Variants in LINC02747 observed in about 807,000 individuals in gnomAD.
LINC02747 encodes the protein CCND1-upstream intergenic DNA repair 2.
chr11:69,477,942 A>G (rs1857011661), intron 1 of LINC02747, among the ~76,000 whole-genome samples: 1 of 152,140 alleles, frequency 6.6e-6, no homozygotes. Flanking sequence ...GGCCCTTCTG[A>G]GCCCGTGGCC....
intron 1 of LINC02747, among the ~76,000 whole-genome samples, chr11:69,478,796 T>C (rs914835798): frequency 6.6e-5 from 10 of 150,852 alleles, no homozygotes; most frequent in Non-Finnish European, 1.2e-4. Context: ...AACCCAGGAG[T>C]TGGAGGCTGC....
At chr11:69,476,604 G>C (rs575507957) in exon 2 of LINC02747, 2 of 152,264 alleles carry the variant, frequency 1.3e-5, no homozygotes, top group Admixed American at 1.3e-4. Context: ...GTGGGCCGCT[G>C]GGAGGAAGCC....
At chr11:69,480,720 CTG>C (rs1266837876) in intron 1 of LINC02747, among the ~76,000 whole-genome samples, 1 of 152,236 alleles carries the variant, frequency 6.6e-6, no homozygotes, top group Non-Finnish European at 1.5e-5. Flanking sequence ...AGTGAGGACT[CTG>C]GCACTGAGCC....
intron 1 of LINC02747, among the ~76,000 whole-genome samples, chr11:69,480,272 G>A (rs1857036899): frequency 2.6e-5 from 4 of 152,158 alleles, no homozygotes; most frequent in Non-Finnish European, 4.4e-5. Context: ...CACTGGCTAG[G>A]GCCCTTCTGC....
At chr11:69,479,211 C>T (rs890834901) in intron 1 of LINC02747, among the ~76,000 whole-genome samples, 10 of 140,070 alleles carry the variant, frequency 7.1e-5, no homozygotes, top group Non-Finnish European at 9.1e-5. Context: ...GCCAAGATCG[C>T]GCCACTGCCC....
chr11:69,477,323 C>T, exon 2 of LINC02747: 1 of 152,270 alleles, frequency 6.6e-6, no homozygotes, highest in Non-Finnish European at 1.5e-5. Context: ...GTGACGACAG[C>T]CATGGGCTGA....
At chr11:69,480,754 C>T (rs545124442) in intron 1 of LINC02747, among the ~76,000 whole-genome samples, 55 of 152,358 alleles carry the variant, frequency 3.6e-4, no homozygotes, top group Non-Finnish European at 6.3e-4. Context: ...GGATCAGTAG[C>T]TTGGATGGAA....
intron 1 of LINC02747, among the ~76,000 whole-genome samples, chr11:69,480,978 G>A (rs557017750): frequency 6.6e-6 from 1 of 152,218 alleles, no homozygotes; most frequent in Admixed American, 6.5e-5. Context: ...AGGCCTGAGT[G>A]CACAGCCCGC....
At chr11:69,478,010 G>A (rs1376314339) in intron 1 of LINC02747, among the ~76,000 whole-genome samples, 1 of 152,216 alleles carries the variant, frequency 6.6e-6, no homozygotes, top group African/African-American at 2.4e-5. Context: ...ACAAGCACCT[G>A]TCTGCTTCGT....
chr11:69,477,896 C>T (rs1232784139), intron 1 of LINC02747, among the ~76,000 whole-genome samples: 1 of 152,164 alleles, frequency 6.6e-6, no homozygotes, highest in Non-Finnish European at 1.5e-5. Flanking sequence ...GCAAGACCCT[C>T]CTTCCAGGAC....
At chr11:69,479,569 T>C (rs1159251881) in intron 1 of LINC02747, 3 of 152,250 alleles carry the variant, frequency 2.0e-5, no homozygotes, top group Non-Finnish European at 4.4e-5. Context: ...CCAGCTTCTC[T>C]AGTGTGGCAT....
chr11:69,481,357 G>A (rs1315334259), intron 1 of LINC02747: 1 of 152,310 alleles, frequency 6.6e-6, no homozygotes, highest in Admixed American at 6.5e-5. Flanking sequence ...AGTGGCAGGG[G>A]CCCTGAAAGG....
chr11:69,480,898 C>T (rs1243029147), intron 1 of LINC02747, among the ~76,000 whole-genome samples: 1 of 152,162 alleles, frequency 6.6e-6, no homozygotes, highest in Non-Finnish European at 1.5e-5. Context: ...TCCCAAGGTT[C>T]CCTGGAATCC....
At position 69,480,843 on chromosome 11, in the gene LINC02747, C is replaced by T. The variant is rs567172860; in HGVS notation, n.120+583G>A. Among the ~76,000 whole-genome samples the T allele has an allele frequency of 3.0e-4, 45 of 152,262 alleles. 1 individual carries two copies. The highest frequency in any genetic ancestry group is 2.6e-3 in the Admixed American group (40 of 15,300). On this transcript the variant is annotated intron_variant and non_coding_transcript_variant, in intron 1 of 1. Transcript: ENST00000645449. The stretch of plus-strand genomic sequence containing the variant: ...GGAGTTGCCAAGGGCCTGCAGACAA[C>T]GCCGTGTGAGGAGGACAGTGTGAGG...
chr11:69,477,829 C>T (rs1046505930), intron 1 of LINC02747, among the ~76,000 whole-genome samples: 7 of 152,228 alleles, frequency 4.6e-5, no homozygotes, highest in African/African-American at 1.4e-4. Context: ...GTGGGAACAG[C>T]AGGGCAGCTA....
intron 1 of LINC02747, among the ~76,000 whole-genome samples, chr11:69,477,965 A>AT (rs367968889): frequency 4.3e-4 from 66 of 152,148 alleles, no homozygotes; most frequent in African/African-American, 1.6e-3. Flanking sequence ...TGTGGTGGGG[A>AT]TGGGGCGAGG....
chr11:69,480,218 G>A (rs1224479033), intron 1 of LINC02747, among the ~76,000 whole-genome samples: 6 of 152,138 alleles, frequency 3.9e-5, no homozygotes, highest in Admixed American at 3.3e-4. Context: ...GGCGAGCCTG[G>A]GCCACACAGT....
At chr11:69,475,925 C>T (rs534616189) in exon 2 of LINC02747, 1 of 152,368 alleles carries the variant, frequency 6.6e-6, no homozygotes, top group African/African-American at 2.4e-5. Context: ...AGACTCAAGC[C>T]CTTGCCTCAG....
exon 2 of LINC02747, chr11:69,475,970 G>T (rs927140595): frequency 6.6e-6 from 1 of 152,194 alleles, no homozygotes; most frequent in South Asian, 2.1e-4. Flanking sequence ...GCCACGCACC[G>T]CACACCCTGG....
Sources: gnomAD v4.1 joint callset for allele counts (sites outside exome capture counted in the v4.1 genomes callset) on GRCh38, gnomAD v4.1.1 for gene constraint, MANE v1.5 for transcripts, NCBI Gene and HGNC (gene_info 2026-07-23, HGNC 2026-07-21) for gene names.